The following SERGEF variants were observed in gnomAD, a reference collection of about 807,000 sequenced individuals.
SERGEF encodes the protein secretion regulating guanine nucleotide exchange factor, also known as secretion-regulating guanine nucleotide exchange factor.
Under a neutral mutation model 50.0 loss-of-function variants are expected in SERGEF, and 51 were observed. The observed-to-expected ratio is 1.02, with a 90% confidence interval of 0.81 to 1.29. The LOEUF is 1.29. SERGEF is among the 50% of genes most tolerant of loss of function. SERGEF has a pLI of 0.00. For synonymous variants in SERGEF, 205 were observed against 212.4 expected, an observed-to-expected ratio of 0.97 and a Z score of 0.30; for missense variants, 521 against 557.0, an observed-to-expected ratio of 0.94 and a Z score of 0.65.
At chr11:17,848,258 T>C (rs1850650674) in intron 10 of SERGEF, among the ~76,000 whole-genome samples, 1 of 152,170 alleles carries the variant, frequency 6.6e-6, no homozygotes, top group Non-Finnish European at 1.5e-5. Context: ...AAGGAGCAAC[T>C]GATTCCACCT....
chr11:17,914,596 T>G (rs951305138), intron 9 of SERGEF, among the ~76,000 whole-genome samples: 3 of 152,098 alleles, frequency 2.0e-5, no homozygotes, highest in Non-Finnish European at 4.4e-5. Context: ...GTATTTTATT[T>G]TATTTTATTT....
intron 10 of SERGEF, among the ~76,000 whole-genome samples, chr11:17,850,389 C>G (rs1166122225): frequency 6.6e-6 from 1 of 152,216 alleles, no homozygotes; most frequent in Admixed American, 6.5e-5. Context: ...CTGCCCTTTA[C>G]TCCCAACACA....
At chr11:17,983,062 T>C (rs955115304) in intron 8 of SERGEF, among the ~76,000 whole-genome samples, 2 of 152,216 alleles carry the variant, frequency 1.3e-5, no homozygotes, top group African/African-American at 4.8e-5. Flanking sequence ...AAGGTAACAC[T>C]GAAGAAAGTA....
chr11:17,961,063 G>A (rs1258585030), intron 8 of SERGEF, among the ~76,000 whole-genome samples: 6 of 152,128 alleles, frequency 3.9e-5, no homozygotes, highest in Admixed American at 3.3e-4. Flanking sequence ...TCCCCAGAAA[G>A]GGTGAAAGTC....
rs146112334 is a variant in SERGEF at position 17,962,419 on chromosome 11, G to A, written c.845-2783C>T. Among the ~76,000 whole-genome samples, 16 of 152,196 alleles carry A rather than the reference G, an allele frequency of 1.1e-4. No homozygotes were observed. In the East Asian group the frequency reaches 1.3e-3, roughly 13 times the overall value. Reference sequence around the variant, plus strand: ...ATGAATGTCTGCATCAAGCTGATGCGTGCTGTCAAATCCAGGGAGATTCAA... The same window carrying A: ...ATGAATGTCTGCATCAAGCTGATGCATGCTGTCAAATCCAGGGAGATTCAA... On this transcript the variant is annotated intron_variant, in intron 8 of 10. Coordinates refer to ENST00000265965, the MANE Select transcript of SERGEF (RefSeq NM_012139.4).
In SERGEF at chr11:17,991,243, T is replaced by A. The variant is rs1343736824; in HGVS notation, c.685+1688A>T. On this transcript the variant is annotated intron_variant, in intron 7 of 10. Transcript: ENST00000265965. The surrounding 1 kb of genome is among the most constrained non-coding windows in gnomAD (Gnocchi z 4.9). The stretch of plus-strand genomic sequence containing the variant: ...GAAATTTAATTTCTTATATTTAAAA[T>A]ACATCTTAATTAAAATATTCAACAT... 6.6e-6 allele frequency among the ~76,000 whole-genome samples: 1 copy of A among 152,164 alleles called. No individual in the cohort carries two copies. Among genetic ancestry groups the A allele is most frequent in the Non-Finnish European group, 1.5e-5 (1 of 68,034 alleles).
intron 9 of SERGEF, among the ~76,000 whole-genome samples, chr11:17,937,950 A>C (rs1331670933): frequency 6.6e-6 from 1 of 152,176 alleles, no homozygotes; most frequent in Admixed American, 6.5e-5. Flanking sequence ...ACTATTGGGG[A>C]TAAAGCAAGT....
At chr11:17,795,760 G>T (rs1348993844) in intron 10 of SERGEF, among the ~76,000 whole-genome samples, 1 of 152,246 alleles carries the variant, frequency 6.6e-6, no homozygotes, top group East Asian at 1.9e-4. Context: ...ACCCAGAGAA[G>T]AGGAAAATTC....
chr11:18,006,673 T>C lies in SERGEF; in HGVS notation c.270A>G (p.Pro90=). 1.2e-6 allele frequency: 2 copies of C among 1,614,142 alleles called. No individual in the cohort carries two copies. The highest frequency in any genetic ancestry group is 2.7e-5 in the African/African-American group (2 of 75,030). The change falls in exon 3 of 11, where the codon CCA becomes CCG. Residue 90 remains proline (P), a synonymous_variant. Coordinates refer to ENST00000265965, the MANE Select transcript of SERGEF (RefSeq NM_012139.4). ...QLGLGHTEDI[P]YFTPCKSLFG... is the part of the protein sequence containing the mutation. ...AGAGGGATTTGCAGGGGGTAAAATA[T>C]GGGATATCCTCTGTGTGACCAAGCC...
chr11:17,996,465 T>G (rs1452067805), intron 5 of SERGEF, among the ~76,000 whole-genome samples: 1 of 152,216 alleles, frequency 6.6e-6, no homozygotes, highest in Admixed American at 6.5e-5. Context: ...AATACATATT[T>G]ATGACTGCAA....
At chr11:17,989,975 G>C (rs559412336) in intron 7 of SERGEF, among the ~76,000 whole-genome samples, 7 of 152,282 alleles carry the variant, frequency 4.6e-5, no homozygotes, top group African/African-American at 1.7e-4. Flanking sequence ...TATTAGCACT[G>C]TTCTAGAAGA....
chr11:17,986,347 C>CAA (rs1853596497), intron 8 of SERGEF, among the ~76,000 whole-genome samples: 1 of 152,204 alleles, frequency 6.6e-6, no homozygotes, highest in Non-Finnish European at 1.5e-5. Context: ...CCAGGACATT[C>CAA]AAACATCCCA....
At chr11:17,798,386 G>A (rs1225998909) in intron 10 of SERGEF, among the ~76,000 whole-genome samples, 1 of 152,192 alleles carries the variant, frequency 6.6e-6, no homozygotes, top group Non-Finnish European at 1.5e-5. Flanking sequence ...GCACGTATTG[G>A]ATCAACACTG....
intron 9 of SERGEF, among the ~76,000 whole-genome samples, chr11:17,879,216 C>A (rs371305133): frequency 6.6e-6 from 1 of 152,302 alleles, no homozygotes. Context: ...GTGGGAGATA[C>A]TTCTTGCCCT....
chr11:17,952,220 G>A (rs1019713458), intron 9 of SERGEF, among the ~76,000 whole-genome samples: 1 of 152,208 alleles, frequency 6.6e-6, no homozygotes, highest in African/African-American at 2.4e-5. Flanking sequence ...TGGGCAGCAA[G>A]TTTGACTTTT....
intron 10 of SERGEF, among the ~76,000 whole-genome samples, chr11:17,822,252 A>T (rs1850099737): frequency 6.6e-6 from 1 of 152,214 alleles, no homozygotes; most frequent in Non-Finnish European, 1.5e-5. Context: ...CTGGATGTGG[A>T]TAAATAAAAC....
At chr11:17,792,315 G>A (rs1849495546) in intron 10 of SERGEF, among the ~76,000 whole-genome samples, 1 of 152,244 alleles carries the variant, frequency 6.6e-6, no homozygotes, top group Admixed American at 6.5e-5. Context: ...GCTGAGGCAC[G>A]AGGTAGGGAG....
intron 10 of SERGEF, among the ~76,000 whole-genome samples, chr11:17,820,331 G>A (rs1048044301): frequency 6.6e-6 from 1 of 151,984 alleles, no homozygotes; most frequent in Non-Finnish European, 1.5e-5. Flanking sequence ...TCCCACTAAG[G>A]TCATACTGCC....
At chr11:17,864,063 G>T (rs1311305195) in intron 10 of SERGEF, among the ~76,000 whole-genome samples, 1 of 152,222 alleles carries the variant, frequency 6.6e-6, no homozygotes, top group Non-Finnish European at 1.5e-5. Flanking sequence ...TCTAGTTATG[G>T]TGCACAGTGG....
Sources: allele counts gnomAD v4.1 joint callset (sites outside exome capture counted in the v4.1 genomes callset), GRCh38; gene constraint gnomAD v4.1.1; non-coding constraint Gnocchi (gnomAD v3.1); transcripts MANE v1.5; gene names NCBI Gene and HGNC (gene_info 2026-07-23, HGNC 2026-07-21).